Variants in HDAC9 observed in about 807,000 individuals in gnomAD.
HDAC9 encodes MEF-2 interacting transcription repressor (MITR) protein.
A neutral mutation model predicts 139.4 loss-of-function variants in HDAC9; 41 were observed. The ratio of observed to expected loss-of-function variants is 0.29; its 90% CI spans 0.23 to 0.38. The LOEUF is 0.38. HDAC9 is among the 10% of genes least tolerant of loss of function. The probability of loss-of-function intolerance (pLI) is 1.00; values close to 1 mark genes in which losing one functional copy is unlikely to be tolerated. For missense variants in HDAC9, 1,147 were observed against 1,297.0 expected (o/e 0.88, Z 1.78); for synonymous variants, 517 against 476.2 (o/e 1.09, Z -1.12).
intron 1 of HDAC9, among the ~76,000 whole-genome samples, chr7:18,138,748 C>T (rs181854312): frequency 5.3e-5 from 8 of 152,156 alleles, no homozygotes; most frequent in Admixed American, 3.3e-4. Flanking sequence ...TGCCCAGGGA[C>T]ATCGCTCACA....
chr7:18,625,679 T>G (rs1562633898), intron 6 of HDAC9, among the ~76,000 whole-genome samples: 2 of 152,126 alleles, frequency 1.3e-5, no homozygotes, highest in Non-Finnish European at 2.9e-5. Context: ...GTGCAGTGGC[T>G]CACACCTGTA....
At chr7:18,682,634 T>G (rs1479823338) in intron 12 of HDAC9, among the ~76,000 whole-genome samples, 1 of 151,966 alleles carries the variant, frequency 6.6e-6, no homozygotes, top group African/African-American at 2.4e-5. Flanking sequence ...TTTTTCACTA[T>G]TGATGTTTTG....
chr7:18,855,435 G>C (rs888930786), intron 21 of HDAC9, among the ~76,000 whole-genome samples: 1 of 151,876 alleles, frequency 6.6e-6, no homozygotes, highest in African/African-American at 2.4e-5. Flanking sequence ...ATGGTCAGTA[G>C]CTCTATCCAC....
intron 1 of HDAC9, among the ~76,000 whole-genome samples, chr7:18,293,969 T>G (rs1457778513): frequency 6.6e-6 from 1 of 152,176 alleles, no homozygotes; most frequent in Non-Finnish European, 1.5e-5. Context: ...CAATTTAAAT[T>G]TTAATAATAA....
intron 1 of HDAC9, among the ~76,000 whole-genome samples, chr7:18,445,948 C>T (rs761967601): frequency 6.6e-6 from 1 of 152,202 alleles, no homozygotes; most frequent in African/African-American, 2.4e-5. Context: ...TGTGCGTGAG[C>T]TGCTGATGAC....
chr7:18,969,079 C>T (rs185673567), intron 24 of HDAC9, among the ~76,000 whole-genome samples: 14 of 151,214 alleles, frequency 9.3e-5, no homozygotes, highest in African/African-American at 2.4e-4. Flanking sequence ...CACACACGTG[C>T]GCGCGTGCAC....
intron 12 of HDAC9, among the ~76,000 whole-genome samples, chr7:18,721,381 G>T (rs1223955562): frequency 1.3e-5 from 2 of 151,112 alleles, no homozygotes; most frequent in East Asian, 1.9e-4. Context: ...TGCAAATTTT[G>T]GAAATAAAAA....
At chr7:18,259,130 C>A (rs1795478218) in intron 2 of HDAC9, among the ~76,000 whole-genome samples, 1 of 151,696 alleles carries the variant, frequency 6.6e-6, no homozygotes, top group African/African-American at 2.4e-5. Context: ...CCACCATGCC[C>A]AGCTAATTTT....
At chr7:18,336,498 G>A (rs1781595412) in intron 1 of HDAC9, among the ~76,000 whole-genome samples, 1 of 151,506 alleles carries the variant, frequency 6.6e-6, no homozygotes, top group South Asian at 2.1e-4. Flanking sequence ...TTTAACATAT[G>A]TACTTTTCAC....
chr7:18,988,814 G>A (rs1272512275), intron 25 of HDAC9, among the ~76,000 whole-genome samples: 3 of 151,710 alleles, frequency 2.0e-5, no homozygotes, highest in Non-Finnish European at 4.4e-5. Flanking sequence ...TTACCATTAT[G>A]TAATGGCCTT....
intron 22 of HDAC9, chr7:18,899,451 T>C (rs1170816328): frequency 1.3e-5 from 2 of 152,024 alleles, no homozygotes; most frequent in Non-Finnish European, 2.9e-5. Flanking sequence ...ATGTTAAAGA[T>C]GTTGACATGA....
intron 21 of HDAC9, among the ~76,000 whole-genome samples, chr7:18,859,710 A>G (rs1797945481): frequency 6.6e-6 from 1 of 150,542 alleles, no homozygotes; most frequent in Non-Finnish European, 1.5e-5. Flanking sequence ...ACCACAGAAC[A>G]TTTACTTACA....
At chr7:18,658,915 A>G (rs1792213686) in intron 11 of HDAC9, among the ~76,000 whole-genome samples, 1 of 148,330 alleles carries the variant, frequency 6.7e-6, no homozygotes, top group African/African-American at 2.5e-5. Context: ...AAAAAAAAAC[A>G]AAACAACAAC....
In HDAC9 at chr7:18,592,651, G is replaced by A. The variant is rs181771916; in HGVS notation, c.542+1009G>A. 5.3e-3 allele frequency among the ~76,000 whole-genome samples: 807 copies of A among 152,038 alleles called. 7 individuals carry two copies. The highest frequency in any genetic ancestry group is 0.019 in the African/African-American group (780 of 41,484). ...TTATAAGGCTATTTTATAGGTATCCGCCCTTCTCTGCATCCCAAAACAGGT... is the reference window on the plus strand; with the variant it reads ...TTATAAGGCTATTTTATAGGTATCCACCCTTCTCTGCATCCCAAAACAGGT... On this transcript the variant is annotated intron_variant, in intron 5 of 25. Coordinates refer to ENST00000686413, the MANE Select transcript of HDAC9 (RefSeq NM_178425.4).
At chr7:18,850,081 T>TAAAAAAAAAAAAAAAAAAAGA (rs1797174724) in intron 21 of HDAC9, among the ~76,000 whole-genome samples, 1 of 82,314 alleles carries the variant, frequency 1.2e-5, no homozygotes, top group Non-Finnish European at 2.6e-5. Context: ...AAAGCCTGAG[T>TAAAAAAAAAAAAAAAAAAAGA]AAAAAAAAAA....
Position 18,299,497 on chromosome 7 carries a change from T to C in HDAC9, c.-42+8982T>C, listed in dbSNP as rs1215813155. 3.3e-5 allele frequency among the ~76,000 whole-genome samples: 5 copies of C among 152,166 alleles called. No homozygotes were observed. The South Asian group carries it at 1.0e-3, about 32-fold the overall frequency. The stretch of plus-strand genomic sequence containing the variant: ...ACTGGCGAGGGTACTTTTCCAGCAG[T>C]TTAACTCTCTTTGCATACAAATGGT... On this transcript the variant is annotated intron_variant, in intron 1 of 3. Transcript: ENST00000413509.
intron 1 of HDAC9, among the ~76,000 whole-genome samples, chr7:18,128,248 A>G (rs1784794610): frequency 6.6e-6 from 1 of 152,094 alleles, no homozygotes; most frequent in South Asian, 2.1e-4. Context: ...TTTATTATCT[A>G]GTTACCTTAA....
chr7:18,244,703 C>A (rs913695374), intron 2 of HDAC9, among the ~76,000 whole-genome samples: 1 of 151,994 alleles, frequency 6.6e-6, no homozygotes, highest in African/African-American at 2.4e-5. Flanking sequence ...GAGCCTGAGG[C>A]GGGAGAATGG....
chr7:18,991,273 A>G (rs1785915345), intron 25 of HDAC9, among the ~76,000 whole-genome samples: 1 of 152,234 alleles, frequency 6.6e-6, no homozygotes. Context: ...AGAACATAAA[A>G]CAAAATTCAC....
Sources: gnomAD v4.1 joint callset for allele counts (sites outside exome capture counted in the v4.1 genomes callset) on GRCh38, gnomAD v4.1.1 for gene constraint, MANE v1.5 for transcripts, NCBI Gene and HGNC (gene_info 2026-07-23, HGNC 2026-07-21) for gene names.